LCK: variants seen among roughly 807,000 people sequenced by gnomAD.
The protein encoded by LCK is tyrosine-protein kinase Lck.
In LCK, 14 loss-of-function variants were observed where a neutral mutation model predicts 64.6. The observed-to-expected ratio is 0.22, with a 90% CI of 0.14 to 0.34. The LOEUF (loss-of-function observed/expected upper bound fraction) is 0.34. Ranked by LOEUF, LCK falls within the 10% of genes least tolerant of loss-of-function variation. LCK has a pLI of 1.00. For missense variants in LCK, 434 were observed against 668.1 expected, an observed-to-expected ratio of 0.65 and a Z score of 3.86; for synonymous variants, 277 against 263.6, an observed-to-expected ratio of 1.05 and a Z score of -0.49.
At chr1:32,285,460 G>T (rs1640587162) in intron 12 of LCK, 54 bp from the exon 13 acceptor site, 3 of 1,492,946 alleles carry the variant, frequency 2.0e-6, no homozygotes, top group South Asian at 1.1e-5. Flanking sequence ...CATTACCCTT[G>T]CCTGTGGGCT....
chr1:32,271,001 CTTTTTT>C (rs34162389), intron 1 of LCK, among the ~76,000 whole-genome samples: 1 of 123,386 alleles, frequency 8.1e-6, no homozygotes. Context: ...CGCGCCTGGC[CTTTTTT>C]TTTTTTTTTT....
At chr1:32,261,226 A>G (rs375834230) in intron 1 of LCK, among the ~76,000 whole-genome samples, 18 of 147,588 alleles carry the variant, frequency 1.2e-4, no homozygotes, top group African/African-American at 4.3e-4. Flanking sequence ...CCATCACGCC[A>G]TCATGCTTGG....
At chr1:32,258,083 G>C (rs1336195662) in intron 1 of LCK, among the ~76,000 whole-genome samples, 1 of 151,904 alleles carries the variant, frequency 6.6e-6, no homozygotes, top group Non-Finnish European at 1.5e-5. Flanking sequence ...AGGAGCTCAA[G>C]ACCAGCCTGG....
intron 1 of LCK, among the ~76,000 whole-genome samples, chr1:32,261,768 A>G (rs1639777728): frequency 6.6e-6 from 1 of 151,246 alleles, no homozygotes; most frequent in African/African-American, 2.4e-5. Context: ...CCTGACCAAC[A>G]TGGTGAAACC....
At chr1:32,272,983 G>T (rs978204884) in intron 1 of LCK, among the ~76,000 whole-genome samples, 19 of 147,664 alleles carry the variant, frequency 1.3e-4, no homozygotes, top group Non-Finnish European at 2.7e-4. Context: ...CGTGTGTGTG[G>T]GGGTGAATGC....
At chr1:32,261,576 T>C (rs1438615257) in intron 1 of LCK, among the ~76,000 whole-genome samples, 1 of 139,290 alleles carries the variant, frequency 7.2e-6, no homozygotes, top group East Asian at 2.1e-4. Flanking sequence ...AACCTGGGAG[T>C]TGGAGGTTGC....
intron 12 of LCK, among the ~76,000 whole-genome samples, chr1:32,282,006 G>T (rs376540209): frequency 6.6e-6 from 1 of 152,154 alleles, no homozygotes; most frequent in East Asian, 1.9e-4. Context: ...GGAGGCAGAG[G>T]TTGCAGTGAG....
chr1:32,263,257 T>A (rs1305825774), intron 1 of LCK, among the ~76,000 whole-genome samples: 1 of 151,716 alleles, frequency 6.6e-6, no homozygotes, highest in African/African-American at 2.4e-5. Flanking sequence ...GCGGGCATGG[T>A]GGTGCATGCC....
At chr1:32,258,116 C>G (rs1639672479) in intron 1 of LCK, among the ~76,000 whole-genome samples, 1 of 151,554 alleles carries the variant, frequency 6.6e-6, no homozygotes, top group Admixed American at 6.6e-5. Flanking sequence ...GACCCCGTCT[C>G]TACAAAAAAT....
chr1:32,260,533 T>C (rs989857986), intron 1 of LCK, among the ~76,000 whole-genome samples: 4 of 152,180 alleles, frequency 2.6e-5, no homozygotes, highest in Non-Finnish European at 5.9e-5. Context: ...TCTTTTTTAC[T>C]TTTTGTGCTC....
chr1:32,270,698 T>G (rs1277771099), intron 1 of LCK, among the ~76,000 whole-genome samples: 1 of 129,320 alleles, frequency 7.7e-6, no homozygotes, highest in Non-Finnish European at 1.6e-5. Context: ...CGGACTTTTT[T>G]TTTTTTTTTT....
In LCK at chr1:32,279,692, A is replaced by C; in HGVS notation, c.986A>C (p.Lys329Thr). ...ACAGGGAGTCTAGTGGATTTTCTCAAGACCCCTTCAGGCATCAAGTTGACC... is the reference window on the plus strand; with the variant it reads ...ACAGGGAGTCTAGTGGATTTTCTCACGACCCCTTCAGGCATCAAGTTGACC... Reference protein sequence around the residue: ...MENGSLVDFLKTPSGIKLTIN... With the variant: ...MENGSLVDFLTTPSGIKLTIN... The change falls in exon 10 of 13, where the codon AAG becomes ACG. Residue 329 changes from lysine to threonine, a missense_variant. Lys to Thr is a moderately conservative substitution (Grantham distance 78). Transcript: ENST00000336890. The C allele has an allele frequency of 1.9e-6, 3 of 1,613,998 alleles. No homozygotes were observed. Among genetic ancestry groups the C allele is most frequent in the Non-Finnish European group, 2.5e-6 (3 of 1,179,902 alleles).
At position 32,276,084 on chromosome 1, in the gene LCK, C is replaced by G. The variant is rs376548679; in HGVS notation, c.631+21C>G. ...CACCAGTGAGCCCGACGGGACCCCT[C>G]CCCCGTGCCCTATCAGCCTATCTCC... On this transcript the variant is annotated intron_variant, in intron 7 of 12. Transcript: ENST00000336890. The surrounding 1 kb of genome is among the most constrained non-coding windows in gnomAD (Gnocchi z 4.6). 2.0e-5 allele frequency: 33 copies of G among 1,613,118 alleles called. No homozygotes were observed. The African/African-American group carries it at 4.0e-4, about 20-fold the overall frequency.
At chr1:32,265,135 A>G (rs1318120850) in intron 1 of LCK, among the ~76,000 whole-genome samples, 2 of 151,704 alleles carry the variant, frequency 1.3e-5, no homozygotes, top group Non-Finnish European at 2.9e-5. Flanking sequence ...GTGAGCCAAG[A>G]TTGCGCCACT....
rs201521084 is a variant in LCK, at chr1:32,275,393, C to T, written c.351C>T (p.Ala117=). The change falls in exon 5 of 13, where the codon GCC becomes GCT. Residue 117 remains alanine (A), a synonymous_variant. Coordinates refer to ENST00000336890, the MANE Select transcript of LCK (RefSeq NM_005356.5). This position sits in a 1 kb window ranked among gnomAD's most constrained non-coding sequence, Gnocchi z 6.9. ...GCTTCATCCCCTTCAATTTTGTGGC[C>T]AAAGCGAACAGCCTGGAGCCCGAAC... The part of the protein sequence containing the change: ...QEGFIPFNFV[A]KANSLEPEPW... 23 of 1,614,088 alleles carry T rather than the reference C, an allele frequency of 1.4e-5. No individual in the cohort carries two copies. In the Admixed American group the frequency reaches 3.2e-4, roughly 22 times the overall value.
intron 1 of LCK, among the ~76,000 whole-genome samples, chr1:32,266,366 C>G (rs936477522): frequency 6.6e-6 from 1 of 151,154 alleles, no homozygotes; most frequent in African/African-American, 2.4e-5. Context: ...GGCACAGTGG[C>G]GGGCGCCGGT....
At chr1:32,262,453 A>C (rs554131674) in intron 1 of LCK, among the ~76,000 whole-genome samples, 1 of 145,118 alleles carries the variant, frequency 6.9e-6, no homozygotes, top group South Asian at 2.2e-4. Flanking sequence ...GATGGAGTCT[A>C]GTTCTGTCAC....
intron 1 of LCK, among the ~76,000 whole-genome samples, chr1:32,264,132 C>G (rs965643273): frequency 6.6e-5 from 10 of 152,124 alleles, no homozygotes; most frequent in Admixed American, 6.6e-4. Flanking sequence ...TATGCACAGA[C>G]TTGCATTCAA....
chr1:32,273,221 CTG>C (rs1640159275), intron 1 of LCK, among the ~76,000 whole-genome samples: 1 of 127,450 alleles, frequency 7.8e-6, no homozygotes, highest in African/African-American at 3.0e-5. Flanking sequence ...GTGTGGGTGC[CTG>C]TGTGTGGGAG....
Sources: allele counts gnomAD v4.1 joint callset (sites outside exome capture counted in the v4.1 genomes callset), GRCh38; gene constraint gnomAD v4.1.1; non-coding constraint Gnocchi (gnomAD v3.1); transcripts MANE v1.5; gene names NCBI Gene and HGNC (gene_info 2026-07-23, HGNC 2026-07-21).